FSAF1: variants seen among roughly 807,000 people sequenced by gnomAD.
The protein encoded by FSAF1 is 40S small subunit processome assembly factor 1.
the FSAF1 span, chr1:231,226,909 G>A: frequency 1.9e-6 from 3 of 1,604,334 alleles, no homozygotes; most frequent in Non-Finnish European, 2.6e-6. Flanking sequence ...CTTGCTCTTA[G>A]CTTTCCTTGC....
At chr1:231,227,761 T>G in the FSAF1 span, among the ~76,000 whole-genome samples, 2 of 151,814 alleles carry the variant, frequency 1.3e-5, no homozygotes, top group Non-Finnish European at 2.9e-5. Flanking sequence ...GCTACTTTTT[T>G]GTATTTTTTA....
At chr1:231,238,900 T>C in the FSAF1 span, 1 of 1,614,036 alleles carries the variant, frequency 6.2e-7, no homozygotes, top group Non-Finnish European at 8.5e-7. Flanking sequence ...TCTTTTTTTA[T>C]TGCTGTGAAA....
chr1:231,240,018 G>C, the FSAF1 span, among the ~76,000 whole-genome samples: 3 of 152,150 alleles, frequency 2.0e-5, no homozygotes, highest in East Asian at 5.8e-4. This position sits in a 1 kb window ranked among gnomAD's most constrained non-coding sequence, Gnocchi z 4.1. Flanking sequence ...ATATGTCCAA[G>C]GGCACAGAAA....
chr1:231,237,999 G>A, the FSAF1 span: 2 of 152,206 alleles, frequency 1.3e-5, no homozygotes, highest in African/African-American at 4.8e-5. Flanking sequence ...TGGCTAACAT[G>A]GTGAAACCCT....
chr1:231,228,226 T>C, the FSAF1 span, among the ~76,000 whole-genome samples: 3 of 152,220 alleles, frequency 2.0e-5, no homozygotes, highest in African/African-American at 4.8e-5. Flanking sequence ...AGAATATACA[T>C]ATCCCCATAC....
At chr1:231,240,325 C>G in the FSAF1 span, among the ~76,000 whole-genome samples, 1 of 152,134 alleles carries the variant, frequency 6.6e-6, no homozygotes, top group African/African-American at 2.4e-5. The surrounding 1 kb of genome is among the most constrained non-coding windows in gnomAD (Gnocchi z 4.1). Flanking sequence ...TAAAATATCA[C>G]GCTGTAAATT....
chr1:231,237,765 A>C, the FSAF1 span: 1 of 152,240 alleles, frequency 6.6e-6, no homozygotes, highest in East Asian at 1.9e-4. Flanking sequence ...CTTAGAAACT[A>C]ATACGTTCAA....
chr1:231,236,668 G>A, the FSAF1 span: 1 of 152,204 alleles, frequency 6.6e-6, no homozygotes, highest in Non-Finnish European at 1.5e-5. Context: ...AGAGGAAACT[G>A]AAGTCTGAGA....
chr1:231,226,668 G>A, the FSAF1 span: 15 of 1,374,984 alleles, frequency 1.1e-5, no homozygotes, highest in Admixed American at 1.0e-4. Context: ...AGCGGCTTCC[G>A]GCATTCCACT....
At chr1:231,228,726 C>G in the FSAF1 span, among the ~76,000 whole-genome samples, 27 of 152,228 alleles carry the variant, frequency 1.8e-4, no homozygotes, top group African/African-American at 6.5e-4. Context: ...GTGGCTCACA[C>G]CTGTAATCCC....
At chr1:231,227,072 C>A in the FSAF1 span, 3 of 1,613,950 alleles carry the variant, frequency 1.9e-6, no homozygotes, top group East Asian at 6.7e-5. Context: ...AACGAGCCTG[C>A]GGACACAAAG....
chr1:231,231,293 G>A, the FSAF1 span, among the ~76,000 whole-genome samples: 2 of 152,104 alleles, frequency 1.3e-5, no homozygotes, highest in Non-Finnish European at 2.9e-5. Flanking sequence ...TTGAAGTTAC[G>A]ATATCTTTTC....
chr1:231,230,819 G>A, the FSAF1 span, among the ~76,000 whole-genome samples: 6 of 152,192 alleles, frequency 3.9e-5, no homozygotes. Flanking sequence ...TTAATTCACA[G>A]GGGGGTTATT....
At chr1:231,239,040 G>A in the FSAF1 span, 20 of 1,614,072 alleles carry the variant, frequency 1.2e-5, no homozygotes, top group East Asian at 3.1e-4. Flanking sequence ...CCTTGAAGAA[G>A]CTCGAAGCGC....
At chr1:231,231,624 C>T in the FSAF1 span, among the ~76,000 whole-genome samples, 3 of 152,106 alleles carry the variant, frequency 2.0e-5, no homozygotes, top group African/African-American at 7.2e-5. Flanking sequence ...CGATCTGTTA[C>T]TAGAGATTAG....
the FSAF1 span, chr1:231,238,707 T>C: frequency 3.0e-6 from 2 of 671,460 alleles, no homozygotes; most frequent in Non-Finnish European, 5.0e-6. Context: ...ATAAGGGCTA[T>C]ATGCTGAGTC....
the FSAF1 span, among the ~76,000 whole-genome samples, chr1:231,235,752 A>C: frequency 6.6e-6 from 1 of 152,178 alleles, no homozygotes. Context: ...GCAGTGAGCT[A>C]TGATCACACC....
chr1:231,227,508 C>T, the FSAF1 span, among the ~76,000 whole-genome samples: 45 of 151,572 alleles, frequency 3.0e-4, no homozygotes, highest in African/African-American at 9.4e-4. Context: ...CTCCTAGGCT[C>T]AAGTGATCCT....
chr1:231,228,506 G>A, the FSAF1 span, among the ~76,000 whole-genome samples: 4 of 151,460 alleles, frequency 2.6e-5, no homozygotes, highest in East Asian at 3.9e-4. Flanking sequence ...GACTGAAGTC[G>A]GAGGATCACT....
Sources: allele counts gnomAD v4.1 joint callset (sites outside exome capture counted in the v4.1 genomes callset), GRCh38; gene constraint gnomAD v4.1.1; non-coding constraint Gnocchi (gnomAD v3.1); transcripts MANE v1.5; gene names NCBI Gene and HGNC (gene_info 2026-07-23, HGNC 2026-07-21).